TTC7A: variants seen among roughly 807,000 people sequenced by gnomAD.
The protein encoded by TTC7A is tetratricopeptide repeat domain 7A.
In TTC7A, 110 loss-of-function variants were observed where a neutral mutation model predicts 103.7. That is an observed-to-expected ratio of 1.06 (90% confidence interval 0.91 to 1.24). The LOEUF (loss-of-function observed/expected upper bound fraction) is 1.24. Among genes scored for constraint, TTC7A ranks in the 50% most tolerant of loss-of-function variants. TTC7A has a pLI of 0.00. For missense variants in TTC7A, 1,340 were observed against 1,116.3 expected, an observed-to-expected ratio of 1.20 and a Z score of -2.86; for synonymous variants, 521 against 467.9, an observed-to-expected ratio of 1.11 and a Z score of -1.47.
intron 15 of TTC7A, among the ~76,000 whole-genome samples, chr2:47,038,244 G>C (rs1369481626): frequency 8.2e-5 from 12 of 147,080 alleles, no homozygotes; most frequent in Middle Eastern, 3.2e-3. Flanking sequence ...GGGCGTCAGA[G>C]CGAGACTCCA....
At position 46,964,754 on chromosome 2, in the gene TTC7A, C is replaced by T. The variant is rs1008086070; in HGVS notation, c.517+7747C>T. On this transcript the variant is annotated intron_variant, in intron 3 of 19. Coordinates refer to ENST00000319190, the MANE Select transcript of TTC7A (RefSeq NM_020458.4). Reference sequence around the variant, plus strand: ...CTAGCTTTAGCCCGTTCAGCCTCCCCAAGCTCCGGTGGGTCTCTTCCATTT... The same window carrying T: ...CTAGCTTTAGCCCGTTCAGCCTCCCTAAGCTCCGGTGGGTCTCTTCCATTT... Among the ~76,000 whole-genome samples, 4 of 152,192 alleles carry T rather than the reference C, an allele frequency of 2.6e-5. No individual in the cohort carries two copies. The South Asian group carries it at 6.2e-4, about 24-fold the overall frequency.
chr2:46,918,830 T>C (rs1437442841), intron 2 of TTC7A, among the ~76,000 whole-genome samples: 1 of 152,190 alleles, frequency 6.6e-6, no homozygotes, highest in African/African-American at 2.4e-5. Flanking sequence ...CAACTCTACG[T>C]TGGAAATAAC....
intron 8 of TTC7A, among the ~76,000 whole-genome samples, chr2:47,000,292 C>T (rs1676669533): frequency 1.3e-5 from 2 of 151,498 alleles, no homozygotes; most frequent in Non-Finnish European, 2.9e-5. Context: ...GGCTTGATTC[C>T]ATTAGGGATT....
chr2:47,013,440 C>T (rs964031682), intron 11 of TTC7A, among the ~76,000 whole-genome samples: 1 of 152,136 alleles, frequency 6.6e-6, no homozygotes, highest in Non-Finnish European at 1.5e-5. Flanking sequence ...ACTCAGGCCG[C>T]TGCTTGCTCC....
At chr2:47,010,698 G>A (rs535192388) in intron 10 of TTC7A, among the ~76,000 whole-genome samples, 1 of 150,576 alleles carries the variant, frequency 6.6e-6, no homozygotes, top group Non-Finnish European at 1.5e-5. Context: ...TTATTTATTT[G>A]TTTGTTTGTT....
intron 18 of TTC7A, among the ~76,000 whole-genome samples, chr2:47,059,792 C>T (rs549354816): frequency 1.3e-5 from 2 of 152,320 alleles, no homozygotes; most frequent in South Asian, 4.1e-4. Context: ...TCACCACTTA[C>T]TCCCACTGTG....
chr2:46,999,685 G>A, intron 8 of TTC7A: 1 of 985,462 alleles, frequency 1.0e-6, no homozygotes, highest in Non-Finnish European at 1.2e-6. Context: ...AAAGAACCGT[G>A]TATCAAACCA....
intron 1 of TTC7A, among the ~76,000 whole-genome samples, chr2:46,946,141 G>T (rs925820363): frequency 6.6e-6 from 1 of 152,192 alleles, no homozygotes; most frequent in Non-Finnish European, 1.5e-5. Context: ...GACACGATGG[G>T]GTTGGGAGAC....
intron 5 of TTC7A, among the ~76,000 whole-genome samples, chr2:46,989,815 T>C (rs1362147762): frequency 4.3e-5 from 4 of 92,906 alleles, no homozygotes; most frequent in South Asian, 3.3e-4. Context: ...TGTGTGTGTG[T>C]GCATCTGTGT....
At chr2:47,060,004 A>G (rs1683635533) in intron 18 of TTC7A, among the ~76,000 whole-genome samples, 1 of 152,096 alleles carries the variant, frequency 6.6e-6, no homozygotes, top group Non-Finnish European at 1.5e-5. Flanking sequence ...AAAAAAATAC[A>G]AAAATTAGCT....
chr2:47,042,658 G>A (rs1681877958), intron 15 of TTC7A, among the ~76,000 whole-genome samples: 1 of 151,426 alleles, frequency 6.6e-6, no homozygotes, highest in African/African-American at 2.4e-5. Context: ...TTTTAGGGTG[G>A]TGTGTCCTGA....
chr2:47,006,288 A>C (rs1284717372), intron 9 of TTC7A, among the ~76,000 whole-genome samples: 1 of 152,232 alleles, frequency 6.6e-6, no homozygotes, highest in Non-Finnish European at 1.5e-5. Flanking sequence ...AAGGCTGAGA[A>C]CAGTGCCATG....
chr2:47,047,375 C>T (rs969811368), intron 16 of TTC7A: 1 of 1,404,076 alleles, frequency 7.1e-7, no homozygotes, highest in African/African-American at 1.4e-5. Context: ...GCAAAGTCAG[C>T]CCTCACTTTT....
intron 4 of TTC7A, among the ~76,000 whole-genome samples, chr2:46,977,149 G>A (rs1418229606): frequency 6.6e-6 from 1 of 152,226 alleles, no homozygotes; most frequent in Non-Finnish European, 1.5e-5. Flanking sequence ...GCCAGGCACT[G>A]TACTGTCCCT....
intron 15 of TTC7A, among the ~76,000 whole-genome samples, chr2:47,036,319 G>T (rs1367411165): frequency 2.0e-5 from 3 of 152,218 alleles, no homozygotes; most frequent in Non-Finnish European, 4.4e-5. Flanking sequence ...TCAGGCTGTT[G>T]ATTTTTAAAG....
At chr2:46,973,094 A>C (rs1673515849) in intron 3 of TTC7A, among the ~76,000 whole-genome samples, 1 of 152,132 alleles carries the variant, frequency 6.6e-6, no homozygotes, top group African/African-American at 2.4e-5. Context: ...AATTAACCAA[A>C]ATGCACCCCG....
At chr2:46,992,019 G>A (rs551810427) in intron 5 of TTC7A, among the ~76,000 whole-genome samples, 1 of 152,354 alleles carries the variant, frequency 6.6e-6, no homozygotes, top group East Asian at 1.9e-4. Flanking sequence ...GCCCCCAGGA[G>A]CCTGTTTTGT....
chr2:46,998,843 G>C (rs989590708), intron 8 of TTC7A, among the ~76,000 whole-genome samples: 20 of 152,100 alleles, frequency 1.3e-4, no homozygotes, highest in Admixed American at 7.2e-4. Flanking sequence ...GACTATGTGC[G>C]ATCAGAATGA....
In TTC7A at chr2:46,930,153, A is replaced by T. The variant is rs370115690; in HGVS notation, c.82+12876A>T. On this transcript the variant is annotated intron_variant, in intron 2 of 20. Transcript: ENST00000409245. ...ACTTGAATACAATAAGATAAATGAA[A>T]TAATAAAGATAACAAAATTAATGCA... Among the ~76,000 whole-genome samples the T allele has an allele frequency of 2.0e-5, 3 of 152,352 alleles. No homozygotes were observed. The East Asian group carries it at 5.8e-4, about 29-fold the overall frequency.
Sources: allele counts gnomAD v4.1 joint callset (sites outside exome capture counted in the v4.1 genomes callset), GRCh38; gene constraint gnomAD v4.1.1; transcripts MANE v1.5; gene names NCBI Gene and HGNC (gene_info 2026-07-23, HGNC 2026-07-21).